Variants in RAB27A observed in about 807,000 individuals in gnomAD.
The protein encoded by RAB27A is RAB27A, member RAS oncogene family.
RAB27A carries 17 observed loss-of-function variants against 20.8 expected under a neutral mutation model. That is an observed-to-expected ratio of 0.82 (90% confidence interval 0.56 to 1.23). The LOEUF (loss-of-function observed/expected upper bound fraction) is 1.23, where lower values mean the gene tolerates loss of function less well. RAB27A is among the 50% of genes most tolerant of loss of function. The pLI is 0.00. For synonymous variants in RAB27A, 85 were observed against 92.8 expected (o/e 0.92, Z 0.48); for missense variants, 277 against 266.7 (o/e 1.04, Z -0.27).
At chr15:55,304,485 A>G (rs1018299269) in intron 2 of RAB27A, among the ~76,000 whole-genome samples, 2 of 150,982 alleles carry the variant, frequency 1.3e-5, no homozygotes, top group Non-Finnish European at 2.9e-5. Context: ...AAAAAAAGAA[A>G]AAAAAAAGTC....
At chr15:55,314,709 G>A (rs2055035863) in intron 1 of RAB27A, among the ~76,000 whole-genome samples, 1 of 152,180 alleles carries the variant, frequency 6.6e-6, no homozygotes, top group Non-Finnish European at 1.5e-5. Flanking sequence ...ACTTACAAGG[G>A]ATGTGAAGGA....
chr15:55,293,870 T>G (rs1234384059), upstream of RAB27A, among the ~76,000 whole-genome samples: 3 of 151,954 alleles, frequency 2.0e-5, no homozygotes, highest in African/African-American at 7.3e-5. Context: ...TAAGCCGAGA[T>G]CGTGCAACTG....
At chr15:55,299,444 A>C (rs753615357) in intron 2 of RAB27A, among the ~76,000 whole-genome samples, 15 of 152,100 alleles carry the variant, frequency 9.9e-5, no homozygotes, top group Non-Finnish European at 2.1e-4. Flanking sequence ...AAATACAAAA[A>C]TTAGCCGGGC....
chr15:55,224,068 A>G, intron 5 of RAB27A, 56 bp from the exon 6 acceptor site: 1 of 1,368,480 alleles, frequency 7.3e-7, no homozygotes, highest in Non-Finnish European at 1.0e-6. Context: ...GTGTATGATC[A>G]GTGAACAATA....
At chr15:55,208,446 G>T (rs755343688) in intron 6 of RAB27A, among the ~76,000 whole-genome samples, 4 of 152,098 alleles carry the variant, frequency 2.6e-5, no homozygotes, top group Admixed American at 6.5e-5. Context: ...GTGTTAATTC[G>T]GTTGCCAAAC....
intron 2 of RAB27A, among the ~76,000 whole-genome samples, chr15:55,243,973 G>T (rs1896591182): frequency 6.6e-6 from 1 of 152,084 alleles, no homozygotes; most frequent in South Asian, 2.1e-4. Context: ...GTTTGACAAA[G>T]ATGCAAAAGG....
chr15:55,299,373 C>T (rs1384388063), intron 2 of RAB27A, among the ~76,000 whole-genome samples: 2 of 152,134 alleles, frequency 1.3e-5, no homozygotes, highest in Non-Finnish European at 2.9e-5. Context: ...GTGGGTGAAT[C>T]ACCTGAGGTC....
At chr15:55,303,560 T>G (rs1301670681) in intron 2 of RAB27A, among the ~76,000 whole-genome samples, 1 of 47,670 alleles carries the variant, frequency 2.1e-5, no homozygotes, top group Non-Finnish European at 3.7e-5. Context: ...GGGAGGGAGG[T>G]GGGGGGGTCG....
chr15:55,317,929 T>C (rs2055065205), intron 1 of RAB27A: 3 of 384,370 alleles, frequency 7.8e-6, no homozygotes, highest in African/African-American at 4.1e-5. Flanking sequence ...AAAGATGTTA[T>C]GTCACTACTT....
rs115915482 is a variant in RAB27A at position 55,249,417 on chromosome 15, G to T, written c.-22-14461C>A. ...AGCCTCCTAAGTAGCTGGGATCACA[G>T]GTATGCACCACCAAAAATGGATAAT... On this transcript the variant is annotated intron_variant, in intron 2 of 6. Coordinates refer to ENST00000336787, the MANE Select transcript of RAB27A (RefSeq NM_183235.3). 1.2e-3 allele frequency among the ~76,000 whole-genome samples: 184 copies of T among 152,194 alleles called. 1 individual carries two copies. Among genetic ancestry groups the T allele is most frequent in the African/African-American group, 4.3e-3 (178 of 41,534 alleles).
intron 2 of RAB27A, chr15:55,314,015 T>C (rs11638111): frequency 0.22 from 32,972 of 149,518 alleles, 4,336 homozygotes; most frequent in East Asian, 0.52. Context: ...AATAAATAAA[T>C]AAACCGGGTG....
chr15:55,318,098 C>CT lies in RAB27A; in HGVS notation c.-234+832dup, dbSNP rs200901102. 5.4e-3 allele frequency among the ~76,000 whole-genome samples: 705 copies of CT among 131,390 alleles called. 2 individuals carry two copies. The highest frequency in any genetic ancestry group is 8.5e-3 in the Non-Finnish European group (535 of 62,998). The allele number at this position is 131,390 out of a possible 152,430, so 86.2% of individuals were successfully genotyped here. ...CAATGGTTTTAAATGCATACTTTTT[C>CT]TTTTTTTTTTTTTTTTTGAGACGGA... On this transcript the variant is annotated intron_variant, in intron 1 of 5. Coordinates refer to the RAB27A transcript ENST00000563262.
chr15:55,310,982 C>T (rs1225013567), intron 2 of RAB27A, among the ~76,000 whole-genome samples: 2 of 152,172 alleles, frequency 1.3e-5, no homozygotes. Flanking sequence ...TTTCCTTAGT[C>T]CTTCTAATAC....
At chr15:55,319,078 G>T in exon 1 of RAB27A, 1 of 748,702 alleles carries the variant, frequency 1.3e-6, no homozygotes, top group Non-Finnish European at 2.1e-6. Flanking sequence ...GTTCGGAAAC[G>T]GCGAAAGGAA....
At chr15:55,248,463 C>A (rs1255414031) in intron 2 of RAB27A, among the ~76,000 whole-genome samples, 4 of 152,276 alleles carry the variant, frequency 2.6e-5, no homozygotes, top group Middle Eastern at 3.4e-3. Context: ...GTTCAACCCT[C>A]CTCAATAAAT....
chr15:55,300,587 G>A (rs1412361817), intron 2 of RAB27A, among the ~76,000 whole-genome samples: 1 of 152,148 alleles, frequency 6.6e-6, no homozygotes, highest in East Asian at 1.9e-4. Context: ...GCTGAGGCAA[G>A]AGAATCGCTT....
At chr15:55,262,701 C>A (rs1335560076) in intron 2 of RAB27A, among the ~76,000 whole-genome samples, 1 of 148,262 alleles carries the variant, frequency 6.7e-6, no homozygotes, top group East Asian at 2.1e-4. Flanking sequence ...GGCACAATCA[C>A]AGCTCACTGC....
intron 1 of RAB27A, among the ~76,000 whole-genome samples, chr15:55,288,306 A>C (rs1898210761): frequency 6.6e-6 from 1 of 152,152 alleles, no homozygotes; most frequent in African/African-American, 2.4e-5. Flanking sequence ...TGATCACTTG[A>C]GGTCAGGAGT....
chr15:55,210,069 T>C (rs1179481714), intron 6 of RAB27A, among the ~76,000 whole-genome samples: 1 of 133,098 alleles, frequency 7.5e-6, no homozygotes, highest in Non-Finnish European at 1.6e-5. Context: ...TATGTGTGTG[T>C]ACATATACAT....
Sources: gnomAD v4.1 joint callset for allele counts (sites outside exome capture counted in the v4.1 genomes callset) on GRCh38, gnomAD v4.1.1 for gene constraint, MANE v1.5 for transcripts, NCBI Gene and HGNC (gene_info 2026-07-23, HGNC 2026-07-21) for gene names.